The following KAT2B variants were observed in gnomAD, a reference collection of about 807,000 sequenced individuals.
KAT2B encodes lysine acetyltransferase 2B.
A neutral mutation model predicts 105.9 loss-of-function variants in KAT2B; 36 were observed. That is an observed-to-expected ratio of 0.34 (90% CI 0.26 to 0.45). KAT2B has a LOEUF of 0.45. Ranked by LOEUF, KAT2B falls within the 20% of genes least tolerant of loss-of-function variation. KAT2B has a pLI of 1.00. For missense variants in KAT2B, 820 were observed against 1,021.6 expected, an observed-to-expected ratio of 0.80 and a Z score of 2.69; for synonymous variants, 397 against 377.9, an observed-to-expected ratio of 1.05 and a Z score of -0.59.
At chr3:20,066,564 A>G (rs1698226096) in intron 1 of KAT2B, among the ~76,000 whole-genome samples, 1 of 151,706 alleles carries the variant, frequency 6.6e-6, no homozygotes, top group Admixed American at 6.6e-5. Context: ...ATGCCTGGCT[A>G]ATTTTTGTGT....
At chr3:20,050,245 A>G (rs1029901573) in intron 1 of KAT2B, among the ~76,000 whole-genome samples, 3 of 152,088 alleles carry the variant, frequency 2.0e-5, no homozygotes, top group African/African-American at 7.2e-5. Context: ...CAGTTTATAT[A>G]AGACGGTTCA....
rs1344014893 is a variant in KAT2B at position 20,153,174 on chromosome 3, T to G, written c.*649T>G. The G allele has an allele frequency of 6.6e-6, 1 of 152,596 alleles. No homozygotes were observed. The highest frequency in any genetic ancestry group is 1.9e-4 in the East Asian group (1 of 5,204). The allele number at this position is 152,596 out of a possible 1,614,324, so 9.5% of individuals were successfully genotyped here. On this transcript the variant is annotated 3_prime_UTR_variant, in exon 18 of 18. Coordinates refer to ENST00000263754, the MANE Select transcript of KAT2B (RefSeq NM_003884.5). ...CTTTTAAAATAAGCATCTAGGTTTT[T>G]GATAATTCTGTCTACTTACAACAAA...
At chr3:20,062,240 TATATAATATATAAA>T (rs1364800783) in intron 1 of KAT2B, among the ~76,000 whole-genome samples, 5,685 of 48,058 alleles carry the variant, frequency 0.12, 451 homozygotes, top group Non-Finnish European at 0.14. Context: ...ATATATAAAA[TATATAATATATAAA>T]ATATGATATA....
intron 1 of KAT2B, among the ~76,000 whole-genome samples, chr3:20,044,694 A>T (rs1697777084): frequency 6.6e-6 from 1 of 152,130 alleles, no homozygotes. Flanking sequence ...TAGAACTCAG[A>T]TTCCTTGCCT....
At chr3:20,065,075 G>A (rs1178592515) in intron 1 of KAT2B, among the ~76,000 whole-genome samples, 2 of 152,124 alleles carry the variant, frequency 1.3e-5, no homozygotes, top group African/African-American at 2.4e-5. Flanking sequence ...CCTGGTTTCT[G>A]CATACTATAA....
chr3:20,127,737 G>A (rs907374676), intron 11 of KAT2B, among the ~76,000 whole-genome samples, 188 bp downstream of exon 11: 9 of 152,180 alleles, frequency 5.9e-5, no homozygotes, highest in South Asian at 2.1e-4. Context: ...CTGGTTTCAC[G>A]GAAGACAATT....
intron 6 of KAT2B, among the ~76,000 whole-genome samples, chr3:20,112,056 G>T (rs1048983716): frequency 1.3e-5 from 2 of 152,112 alleles, no homozygotes; most frequent in African/African-American, 4.8e-5. Flanking sequence ...ATAGAATGGG[G>T]CAGTGCTTTC....
chr3:20,154,265 T>C lies in KAT2B; in HGVS notation c.*1740T>C, dbSNP rs956224842. On this transcript the variant is annotated 3_prime_UTR_variant, in exon 18 of 18. Coordinates refer to ENST00000263754, the MANE Select transcript of KAT2B (RefSeq NM_003884.5). Reference sequence around the variant, plus strand: ...TAATTTAAAAATTAATATTTTCTTATAGATATTGTGCAATAAAGCTGAAGT... The same window carrying C: ...TAATTTAAAAATTAATATTTTCTTACAGATATTGTGCAATAAAGCTGAAGT... The C allele has an allele frequency of 1.3e-5, 2 of 152,638 alleles. No homozygotes were observed. The highest frequency in any genetic ancestry group is 1.9e-4 in the East Asian group (1 of 5,206). 9.5% of individuals were successfully genotyped at this position (152,638 alleles called of 1,614,324 possible). A position where few individuals can be genotyped will look rare whatever the true frequency, so the allele number is the denominator to read the frequency against.
chr3:20,045,102 C>T (rs1697785328), intron 1 of KAT2B, among the ~76,000 whole-genome samples: 1 of 151,918 alleles, frequency 6.6e-6, no homozygotes, highest in Non-Finnish European at 1.5e-5. Flanking sequence ...GCAACCTGTA[C>T]CTCCCAGGCT....
rs1435037291 is a variant in KAT2B, at chr3:20,040,512, GCGGGGCAGGAGC to G, written c.45_56del (p.Ala18_Gly21del). 3.9e-6 allele frequency: 4 copies of G among 1,028,812 alleles called. No individual in the cohort carries two copies. Among genetic ancestry groups the G allele is most frequent in the African/African-American group, 1.7e-5 (1 of 57,956 alleles). 63.7% of individuals were successfully genotyped at this position (1,028,812 alleles called of 1,614,324 possible). A position where few individuals can be genotyped will look rare whatever the true frequency, so the allele number is the denominator to read the frequency against. ...GCTGGCGGGGCCGGGCCGGGCGGCT[GCGGGGCAGGAGC>G]CGGGGCAGGGGCCGGGCCCGGGGCG... On this transcript the variant is annotated inframe_deletion, in exon 1 of 18. Transcript: ENST00000263754.
At chr3:20,140,082 G>A (rs1699670806) in intron 12 of KAT2B, 139 bp from the exon 13 acceptor site, 1 of 547,854 alleles carries the variant, frequency 1.8e-6, no homozygotes, top group South Asian at 3.0e-5. Flanking sequence ...GTGGTTTTAA[G>A]CTAATCCTCT....
chr3:20,104,118 C>T (rs181936996), intron 5 of KAT2B, among the ~76,000 whole-genome samples: 12 of 152,220 alleles, frequency 7.9e-5, no homozygotes, highest in African/African-American at 2.2e-4. Context: ...ATTTGAATAT[C>T]GCTTTAGAAA....
At chr3:20,043,650 G>A (rs917355476) in intron 1 of KAT2B, among the ~76,000 whole-genome samples, 1 of 152,052 alleles carries the variant, frequency 6.6e-6, no homozygotes, top group East Asian at 1.9e-4. Context: ...CCACCGGCTG[G>A]GGTGCGTGGC....
chr3:20,073,383 C>G (rs1698361208), intron 2 of KAT2B, among the ~76,000 whole-genome samples: 2 of 152,138 alleles, frequency 1.3e-5, no homozygotes, highest in Non-Finnish European at 1.5e-5. Context: ...CATCATTTCT[C>G]TAGAGCTTCC....
chr3:20,090,022 A>C (rs1416385282), intron 2 of KAT2B, among the ~76,000 whole-genome samples: 1 of 151,088 alleles, frequency 6.6e-6, no homozygotes, highest in Non-Finnish European at 1.5e-5. Flanking sequence ...AAAAAAAAAA[A>C]CGAATGGTAC....
rs992496581 is a variant in KAT2B at position 20,131,052 on chromosome 3, G to A, written c.1749+3503G>A. The stretch of plus-strand genomic sequence containing the variant: ...TTTTTTGAGACGGAGTTTTGCTCTT[G>A]TTGCCCAGGCTGGAGTGCAATGGCG... On this transcript the variant is annotated intron_variant, in intron 11 of 17. Transcript: ENST00000263754. Among the ~76,000 whole-genome samples the A allele has an allele frequency of 4.4e-5, 4 of 90,070 alleles. No individual in the cohort carries two copies. In the Admixed American group the frequency reaches 7.0e-4, roughly 16 times the overall value. The allele number at this position is 90,070 out of a possible 152,430, so 59.1% of individuals were successfully genotyped here.
At chr3:20,126,997 A>G (rs1699416895) in intron 10 of KAT2B, among the ~76,000 whole-genome samples, 2 of 152,166 alleles carry the variant, frequency 1.3e-5, no homozygotes, top group Admixed American at 6.5e-5. Flanking sequence ...TGCAAATTGT[A>G]TATGTAAATT....
At position 20,140,246 on chromosome 3, in the gene KAT2B, C is replaced by T. The variant is rs1223478600; in HGVS notation, c.1886C>T (p.Pro629Leu). 1 of 1,609,868 alleles carries T rather than the reference C, an allele frequency of 6.2e-7. No homozygotes were observed. The highest frequency in any genetic ancestry group is 8.5e-7 in the Non-Finnish European group (1 of 1,176,312). ...KQGFSKEIKIPKTKYVGYIKD... is the reference protein window; with the variant it reads ...KQGFSKEIKILKTKYVGYIKD... ...GGTTTCTCCAAAGAAATTAAAATACCTAAAACCAAATATGTTGGCTATATC... is the reference window on the plus strand; with the variant it reads ...GGTTTCTCCAAAGAAATTAAAATACTTAAAACCAAATATGTTGGCTATATC... Residue 629 changes from proline (P) to leucine (L), a missense_variant, in exon 13 of 18, where the codon CCT becomes CTT. By Grantham distance (98) the Pro-to-Leu change is moderately conservative (BLOSUM62 -3). Transcript: ENST00000263754.
intron 1 of KAT2B, among the ~76,000 whole-genome samples, chr3:20,052,119 G>A (rs1256662304): frequency 6.6e-6 from 1 of 152,204 alleles, no homozygotes; most frequent in East Asian, 1.9e-4. Flanking sequence ...ATGTATCTCT[G>A]TATCTTGTTC....
Sources: gnomAD v4.1 joint callset for allele counts (sites outside exome capture counted in the v4.1 genomes callset) on GRCh38, gnomAD v4.1.1 for gene constraint, MANE v1.5 for transcripts, NCBI Gene and HGNC (gene_info 2026-07-23, HGNC 2026-07-21) for gene names.